The following RMDN2 variants were observed in gnomAD, a reference collection of about 807,000 sequenced individuals.
RMDN2 encodes the protein regulator of microtubule dynamics protein 2.
In RMDN2, 61 loss-of-function variants were observed where a neutral mutation model predicts 52.8. That is an observed-to-expected ratio of 1.16 (90% CI 0.94 to 1.43). RMDN2 has a LOEUF of 1.43. RMDN2 is among the 40% of genes most tolerant of loss of function. The pLI is 0.00. For missense variants in RMDN2, 592 were observed against 475.3 expected (o/e 1.25, Z -2.28); for synonymous variants, 180 against 153.1 (o/e 1.18, Z -1.30).
intron 10 of RMDN2, among the ~76,000 whole-genome samples, chr2:38,041,478 T>C (rs1459317958): frequency 2.0e-5 from 3 of 147,514 alleles, no homozygotes; most frequent in African/African-American, 5.0e-5. Flanking sequence ...TCCAATATGA[T>C]GTTGAATAAG....
At chr2:37,934,437 G>A (rs1242235361) in intron 2 of RMDN2, among the ~76,000 whole-genome samples, 1 of 152,184 alleles carries the variant, frequency 6.6e-6, no homozygotes, top group Non-Finnish European at 1.5e-5. Context: ...GCCCTCAGAG[G>A]GGTCTGTTAA....
intron 3 of RMDN2, chr2:37,974,799 A>C (rs1411786428): frequency 5.9e-6 from 1 of 169,788 alleles, no homozygotes; most frequent in Non-Finnish European, 1.2e-5. Context: ...TGAGTAAAAA[A>C]AGTGACTGCT....
intron 7 of RMDN2, among the ~76,000 whole-genome samples, chr2:37,995,355 T>TACTACC (rs1553372338): frequency 6.6e-6 from 1 of 151,398 alleles, no homozygotes; most frequent in Non-Finnish European, 1.5e-5. Flanking sequence ...CTACTACTAC[T>TACTACC]ACTACTACTA....
intron 8 of RMDN2, among the ~76,000 whole-genome samples, chr2:38,001,543 A>G (rs906152531): frequency 6.6e-6 from 1 of 152,242 alleles, no homozygotes; most frequent in African/African-American, 2.4e-5. Context: ...GTTCTGATTT[A>G]TAATCACTTT....
chr2:38,053,021 G>C (rs1294642222), intron 10 of RMDN2, among the ~76,000 whole-genome samples: 3 of 152,144 alleles, frequency 2.0e-5, no homozygotes, highest in Non-Finnish European at 4.4e-5. Flanking sequence ...TCAAGGCTCT[G>C]TTATAGTTCA....
intron 7 of RMDN2, among the ~76,000 whole-genome samples, chr2:37,996,550 C>G (rs1442326394): frequency 7.0e-6 from 1 of 142,916 alleles, no homozygotes; most frequent in Non-Finnish European, 1.5e-5. Flanking sequence ...TGCCGCTGTA[C>G]GGTATGATCC....
intron 10 of RMDN2, among the ~76,000 whole-genome samples, chr2:38,053,753 A>G (rs1233926219): frequency 6.6e-6 from 1 of 152,228 alleles, no homozygotes; most frequent in Non-Finnish European, 1.5e-5. Context: ...CTGGCTGCAT[A>G]TTAGCATTTA....
chr2:38,064,956 G>A (rs1409371032), intron 10 of RMDN2, among the ~76,000 whole-genome samples: 2 of 152,102 alleles, frequency 1.3e-5, no homozygotes, highest in South Asian at 2.1e-4. Context: ...ATTACATAAC[G>A]CACTCACTTG....
At chr2:38,066,816 C>T in intron 10 of RMDN2, 1 of 613,084 alleles carries the variant, frequency 1.6e-6, no homozygotes, top group Non-Finnish European at 3.0e-6. Context: ...TCTTAACTGT[C>T]CTGACATTTC....
chr2:37,998,958 T>C (rs1675948070), intron 8 of RMDN2, among the ~76,000 whole-genome samples: 1 of 152,208 alleles, frequency 6.6e-6, no homozygotes, highest in Non-Finnish European at 1.5e-5. Context: ...TTTTAAATTG[T>C]ATAAGAATGT....
intron 10 of RMDN2, among the ~76,000 whole-genome samples, chr2:38,049,892 C>T (rs1681485232): frequency 6.6e-6 from 1 of 152,158 alleles, no homozygotes; most frequent in Non-Finnish European, 1.5e-5. Context: ...TATCATCTTG[C>T]TTCCCCAGCC....
intron 6 of RMDN2, among the ~76,000 whole-genome samples, chr2:37,990,434 G>A (rs1458830803): frequency 5.7e-5 from 8 of 139,392 alleles, no homozygotes; most frequent in Admixed American, 1.6e-4. Context: ...CAGGAGAATC[G>A]CTTGAACCAG....
chr2:38,058,555 G>A (rs920902551), intron 10 of RMDN2, among the ~76,000 whole-genome samples: 1 of 152,216 alleles, frequency 6.6e-6, no homozygotes, highest in Non-Finnish European at 1.5e-5. Context: ...CAAAGGTGAA[G>A]GAGAAGCAAG....
chr2:37,978,077 G>T (rs867829156), intron 4 of RMDN2, among the ~76,000 whole-genome samples: 3 of 152,196 alleles, frequency 2.0e-5, no homozygotes, highest in Non-Finnish European at 4.4e-5. Flanking sequence ...CCGACACCTC[G>T]GGAGGCCGAG....
chr2:37,929,972 T>C (rs1390324117), intron 2 of RMDN2, among the ~76,000 whole-genome samples: 1 of 152,214 alleles, frequency 6.6e-6, no homozygotes, highest in Non-Finnish European at 1.5e-5. Flanking sequence ...TATGTGAATA[T>C]TGAGGAAGGC....
intron 10 of RMDN2, among the ~76,000 whole-genome samples, chr2:38,009,011 T>C (rs1357203479): frequency 6.6e-6 from 1 of 152,212 alleles, no homozygotes; most frequent in Non-Finnish European, 1.5e-5. Flanking sequence ...ATTCTTTTCT[T>C]TAAGAATGTG....
At chr2:38,022,572 A>G (rs567751195), downstream of RMDN2, among the ~76,000 whole-genome samples, 4 of 152,362 alleles carry the variant, frequency 2.6e-5, no homozygotes, top group East Asian at 7.7e-4. Flanking sequence ...GCTTGATTTC[A>G]GAAGATAAGA....
chr2:38,056,670 A>C (rs1232664133), intron 10 of RMDN2, among the ~76,000 whole-genome samples: 1 of 152,200 alleles, frequency 6.6e-6, no homozygotes, highest in Non-Finnish European at 1.5e-5. Flanking sequence ...AGATAAGAGA[A>C]TGAATTTTGT....
intron 10 of RMDN2, among the ~76,000 whole-genome samples, chr2:38,009,447 C>T (rs1395568561): frequency 1.3e-5 from 2 of 152,172 alleles, no homozygotes; most frequent in African/African-American, 4.8e-5. Flanking sequence ...CCTCTCGCTT[C>T]ATTTCATTCA....
Sources: allele counts gnomAD v4.1 joint callset (sites outside exome capture counted in the v4.1 genomes callset), GRCh38; gene constraint gnomAD v4.1.1; transcripts MANE v1.5; gene names NCBI Gene and HGNC (gene_info 2026-07-23, HGNC 2026-07-21).